Variants in EP300 observed in about 807,000 individuals in gnomAD.
EP300 encodes the protein histone acetyltransferase p300.
Under a neutral mutation model 264.0 loss-of-function variants are expected in EP300, and 31 were observed. The observed-to-expected ratio is 0.12, with a 90% confidence interval of 0.09 to 0.16. EP300 has a LOEUF of 0.16. Among genes scored for constraint, EP300 ranks in the 10% least tolerant of loss-of-function variants. EP300 has a pLI of 1.00. For synonymous variants in EP300, 1,340 were observed against 1,045.4 expected, an observed-to-expected ratio of 1.28 and a Z score of -5.44; for missense variants, 2,766 against 3,052.9, an observed-to-expected ratio of 0.91 and a Z score of 2.21.
chr22:41,128,559 G>A (rs1401420606), intron 4 of EP300, among the ~76,000 whole-genome samples: 6 of 152,128 alleles, frequency 3.9e-5, no homozygotes, highest in Non-Finnish European at 1.5e-5. Context: ...CCAGGCTGGA[G>A]TGTGGTGGCA....
At chr22:41,172,986 C>G (rs181922152) in intron 28 of EP300, among the ~76,000 whole-genome samples, 1 of 152,074 alleles carries the variant, frequency 6.6e-6, no homozygotes, top group Non-Finnish European at 1.5e-5. Flanking sequence ...CCTTGTGGGT[C>G]ACATATCTCT....
In EP300 at chr22:41,152,015, G is replaced by C; in HGVS notation, c.2997+3G>C. 6.2e-7 allele frequency: 1 copy of C among 1,614,178 alleles called. No homozygotes were observed. Among genetic ancestry groups the C allele is most frequent in the Non-Finnish European group, 8.5e-7 (1 of 1,180,034 alleles). ...CTCAGCCGGAGGATATTTCAGAGGT[G>C]AGAGTAGGGCAATTACTGTTTGATT... On this transcript the variant is annotated splice_donor_region_variant and intron_variant, in intron 15 of 30. Coordinates refer to ENST00000263253, the MANE Select transcript of EP300 (RefSeq NM_001429.4).
chr22:41,110,416 C>T (rs2058783383), intron 1 of EP300, among the ~76,000 whole-genome samples: 1 of 145,814 alleles, frequency 6.9e-6, no homozygotes, highest in Admixed American at 7.3e-5. Context: ...CCTCAGCCTC[C>T]CGACTAGCTG....
intron 25 of EP300, chr22:41,169,298 A>G (rs534107886): frequency 1.5e-5 from 9 of 600,432 alleles, no homozygotes; most frequent in East Asian, 1.4e-4. Context: ...GCTAGTTACT[A>G]CAAATAGAAG....
In EP300 at chr22:41,117,261, A is replaced by G. The variant is rs1186074560; in HGVS notation, c.169A>G (p.Asn57Asp). 4 of 1,614,078 alleles carry G rather than the reference A, an allele frequency of 2.5e-6. No individual in the cohort carries two copies. Among genetic ancestry groups the G allele is most frequent in the Non-Finnish European group, 3.4e-6 (4 of 1,180,050 alleles). Residue 57 changes from asparagine (N) to aspartate (D), a missense_variant, in exon 2 of 31, where the codon AAT becomes GAT. Transcript: ENST00000263253. ...CAACTCTACAGAATTGGGACTAACC[A>G]ATGGTGGTGATATTAATCAGCTTCA... ...LINSTELGLTNGGDINQLQTS... is the reference protein window; with the variant it reads ...LINSTELGLTDGGDINQLQTS...
In EP300 at chr22:41,178,357, G is replaced by A. The variant is rs1333876461; in HGVS notation, c.6646G>A (p.Gly2216Arg). Residue 2216 changes from glycine (G) to arginine (R), a missense_variant, in exon 31 of 31, where the codon GGA becomes AGA. Gly to Arg is a moderately radical substitution (Grantham distance 125). Transcript: ENST00000263253. ...ANHNQFQQPQ[G>R]VGYPPQQQQR... ...CCATAACCAGTTCCAGCAACCCCAA[G>A]GAGTTGGCTACCCACCACAGCAGCA... 3 of 1,614,160 alleles carry A rather than the reference G, an allele frequency of 1.9e-6. No individual in the cohort carries two copies. The highest frequency in any genetic ancestry group is 3.3e-5 in the Admixed American group (2 of 60,022).
At chr22:41,158,323 C>T in intron 18 of EP300, 89 bp from the exon 19 acceptor site, 2 of 967,430 alleles carry the variant, frequency 2.1e-6, no homozygotes, top group Non-Finnish European at 3.3e-6. Context: ...ACTAAGACAC[C>T]ACTGACTTCT....
intron 1 of EP300, chr22:41,108,097 C>G (rs2145684723): frequency 6.6e-6 from 1 of 152,208 alleles, no homozygotes; most frequent in East Asian, 1.9e-4. Flanking sequence ...TCTACAGAAT[C>G]AGTATGTGAT....
At chr22:41,122,689 A>C (rs1417091285) in intron 2 of EP300, among the ~76,000 whole-genome samples, 1 of 151,534 alleles carries the variant, frequency 6.6e-6, no homozygotes, top group African/African-American at 2.4e-5. Flanking sequence ...TTTTTAATAG[A>C]GGCAAACTGC....
rs35403189 is a variant in EP300, at chr22:41,137,356, C to CAAA, written c.1623-279_1623-277dup. ...TGGGCAACAGAGCAAGACTTTGTCTCAAAAAAAAAAAAAAAAAAAAGGCAT... is the reference window on the plus strand; with the variant it reads ...TGGGCAACAGAGCAAGACTTTGTCTCAAAAAAAAAAAAAAAAAAAAAAAGGCAT... On this transcript the variant is annotated intron_variant, in intron 7 of 30. Coordinates refer to ENST00000263253, the MANE Select transcript of EP300 (RefSeq NM_001429.4). Among the ~76,000 whole-genome samples the CAAA allele has an allele frequency of 3.2e-3, 297 of 92,502 alleles. 4 individuals carry two copies. The highest frequency in any genetic ancestry group is 0.012 in the East Asian group (36 of 3,054). The allele number at this position is 92,502 out of a possible 152,430, so 60.7% of individuals were successfully genotyped here.
chr22:41,176,895 C>A lies in EP300; in HGVS notation c.5184C>A (p.Gly1728=), dbSNP rs769174401. ...NQQAAATQSP[G]DSRRLSIQRC... ...AGGCTGCAGCCACCCAGAGCCCAGG[C>A]GATTCTCGCCGCCTGAGTATCCAGC... is the stretch of plus-strand genomic sequence containing the variant. Residue 1728 remains glycine (G), a synonymous_variant, in exon 31 of 31, where the codon GGC becomes GGA. Transcript: ENST00000263253. 5 of 1,613,986 alleles carry A rather than the reference C, an allele frequency of 3.1e-6. 1 individual carries two copies. In the South Asian group the frequency reaches 3.3e-5, roughly 11 times the overall value.
chr22:41,135,793 G>C lies in EP300; in HGVS notation c.1529-20G>C. On this transcript the variant is annotated intron_variant, in intron 6 of 30. Transcript: ENST00000263253. ...GCTGTTGTATTTATTTCTGTCTCCT[G>C]TTATTTCATTTTGACTTAGGTGCTA... The C allele has an allele frequency of 1.3e-6, 2 of 1,552,626 alleles. No homozygotes were observed. The highest frequency in any genetic ancestry group is 1.8e-6 in the Non-Finnish European group (2 of 1,124,038).
intron 4 of EP300, among the ~76,000 whole-genome samples, chr22:41,129,053 C>G (rs961209288): frequency 6.6e-6 from 1 of 152,062 alleles, no homozygotes; most frequent in African/African-American, 2.4e-5. Context: ...CTCTGTCGCC[C>G]AGGCTGGAGT....
intron 23 of EP300, 100 bp downstream of exon 23, chr22:41,166,766 G>C (rs1745616543): frequency 1.4e-6 from 1 of 727,010 alleles, no homozygotes; most frequent in East Asian, 2.7e-5. Flanking sequence ...CACAGTAATA[G>C]AGTAAAAATA....
chr22:41,100,868 G>A (rs535834697), intron 1 of EP300, among the ~76,000 whole-genome samples: 7 of 151,838 alleles, frequency 4.6e-5, no homozygotes, highest in Non-Finnish European at 1.0e-4. Flanking sequence ...ATGACATCTT[G>A]TATCATGTCA....
rs1252007042 is a variant in EP300, at chr22:41,149,757, A to G, written c.2380-4A>G. 1 of 1,614,006 alleles carries G rather than the reference A, an allele frequency of 6.2e-7. No homozygotes were observed. Among genetic ancestry groups the G allele is most frequent in the East Asian group, 2.2e-5 (1 of 44,890 alleles). On this transcript the variant is annotated splice_region_variant and splice_polypyrimidine_tract_variant and intron_variant, in intron 13 of 30. Transcript: ENST00000263253. ...CTGTCTTGTTATGTTTTTTATTTTAACAGGCACAAATGTCTAGTTCTTCCT... is the reference window on the plus strand; with the variant it reads ...CTGTCTTGTTATGTTTTTTATTTTAGCAGGCACAAATGTCTAGTTCTTCCT...
At chr22:41,098,411 G>A (rs1004710792) in intron 1 of EP300, among the ~76,000 whole-genome samples, 1 of 152,090 alleles carries the variant, frequency 6.6e-6, no homozygotes. Context: ...TCGCTCTGTC[G>A]CCCAGGCTGG....
At chr22:41,139,432 G>A (rs184437338) in intron 8 of EP300, among the ~76,000 whole-genome samples, 4 of 152,230 alleles carry the variant, frequency 2.6e-5, no homozygotes, top group Admixed American at 1.3e-4. Context: ...TTGACTTTAC[G>A]TTAAAAGTTT....
chr22:41,154,177 A>G (rs2059063052), intron 16 of EP300, among the ~76,000 whole-genome samples: 1 of 152,048 alleles, frequency 6.6e-6, no homozygotes, highest in South Asian at 2.1e-4. Flanking sequence ...AAAATAGTAC[A>G]TGTCTCTTTT....
Sources: allele counts gnomAD v4.1 joint callset (sites outside exome capture counted in the v4.1 genomes callset), GRCh38; gene constraint gnomAD v4.1.1; transcripts MANE v1.5; gene names NCBI Gene and HGNC (gene_info 2026-07-23, HGNC 2026-07-21).